Variants in CCDC171 observed in about 807,000 individuals in gnomAD.
CCDC171 encodes the protein coiled-coil domain-containing protein 171.
CCDC171 carries 177 observed loss-of-function variants against 168.2 expected under a neutral mutation model. The ratio of observed to expected loss-of-function variants is 1.05; its 90% CI spans 0.93 to 1.19. CCDC171 has a LOEUF of 1.19. Among genes scored for constraint, CCDC171 ranks in the 50% most tolerant of loss-of-function variants. The pLI, the probability that CCDC171 is intolerant of heterozygous loss-of-function variation, is 0.00. For missense variants in CCDC171, 1,991 were observed against 1,539.0 expected (o/e 1.29, Z -4.91); for synonymous variants, 687 against 540.8 (o/e 1.27, Z -3.75).
intron 21 of CCDC171, among the ~76,000 whole-genome samples, chr9:15,830,073 G>A (rs925878704): frequency 4.0e-4 from 61 of 152,322 alleles, no homozygotes; most frequent in African/African-American, 1.4e-3. Context: ...TCATGTCAGT[G>A]TTCCTCAAGC....
chr9:15,922,160 C>A, intron 25 of CCDC171: 1 of 411,572 alleles, frequency 2.4e-6, no homozygotes, highest in Non-Finnish European at 5.0e-6. Context: ...TGTAGTGATT[C>A]TTCATCTATA....
intron 6 of CCDC171, among the ~76,000 whole-genome samples, chr9:15,601,004 G>T (rs1267937878): frequency 6.6e-6 from 1 of 152,162 alleles, no homozygotes; most frequent in African/African-American, 2.4e-5. Flanking sequence ...ATTAGGGTGG[G>T]AGTGACCCGA....
At chr9:16,100,724 C>A in the CCDC171 span, among the ~76,000 whole-genome samples, 1 of 152,160 alleles carries the variant, frequency 6.6e-6, no homozygotes, top group African/African-American at 2.4e-5. Flanking sequence ...GCGAGGAGAG[C>A]CAAGCCTCGC....
At chr9:15,941,104 C>T (rs534998152) in intron 25 of CCDC171, among the ~76,000 whole-genome samples, 23 of 152,092 alleles carry the variant, frequency 1.5e-4, no homozygotes, top group African/African-American at 4.6e-4. Flanking sequence ...CTTGTGCCAC[C>T]TAAGTGTTAC....
At chr9:15,991,957 A>C (rs1056334960) in intron 3 of CCDC171, among the ~76,000 whole-genome samples, 1 of 152,234 alleles carries the variant, frequency 6.6e-6, no homozygotes, top group Non-Finnish European at 1.5e-5. Context: ...AACCAAAAAA[A>C]GTCCGGGATC....
chr9:15,709,402 A>G (rs2052487413), intron 11 of CCDC171, among the ~76,000 whole-genome samples: 1 of 152,164 alleles, frequency 6.6e-6, no homozygotes, highest in Non-Finnish European at 1.5e-5. Context: ...AAGAACACAG[A>G]TAAAATGCAG....
rs538626011 is a variant in CCDC171 at position 15,846,150 on chromosome 9, T to C, written c.3268-552T>C. 3.9e-5 allele frequency among the ~76,000 whole-genome samples: 6 copies of C among 152,262 alleles called. No homozygotes were observed. The East Asian group carries it at 1.2e-3, about 29-fold the overall frequency. ...TTTACTGGGAAGCAAGTAGATTTTA[T>C]TTTGGAGTCCAATTTGTTTGTTTGC... On this transcript the variant is annotated intron_variant, in intron 21 of 25. Coordinates refer to ENST00000380701, the MANE Select transcript of CCDC171 (RefSeq NM_173550.4).
At chr9:15,698,611 G>A (rs937110213) in intron 11 of CCDC171, among the ~76,000 whole-genome samples, 6 of 151,222 alleles carry the variant, frequency 4.0e-5, no homozygotes, top group Non-Finnish European at 8.8e-5. Context: ...TTTTATTTAC[G>A]TTGCTACAAA....
Position 16,014,066 on chromosome 9 carries a change from C to T in CCDC171, n.369-6523C>T, listed in dbSNP as rs545332939. Among the ~76,000 whole-genome samples, 5 of 151,452 alleles carry T rather than the reference C, an allele frequency of 3.3e-5. No individual in the cohort carries two copies. The South Asian group carries it at 6.2e-4, about 19-fold the overall frequency. On this transcript the variant is annotated intron_variant and non_coding_transcript_variant, in intron 3 of 9. Transcript: ENST00000486641. ...AAAGGTTTCTCTGCAGCATGTGATTCTGTGTGATAGCATTTTACACATAGT... is the reference window on the plus strand; with the variant it reads ...AAAGGTTTCTCTGCAGCATGTGATTTTGTGTGATAGCATTTTACACATAGT...
the CCDC171 span, among the ~76,000 whole-genome samples, chr9:16,082,361 A>C: frequency 1.3e-5 from 2 of 152,232 alleles, no homozygotes; most frequent in African/African-American, 4.8e-5. Context: ...TCATGGCTTC[A>C]TAGCAGGTCA....
chr9:15,895,658 T>C (rs1820804307), intron 24 of CCDC171, among the ~76,000 whole-genome samples: 1 of 152,104 alleles, frequency 6.6e-6, no homozygotes, highest in Non-Finnish European at 1.5e-5. Flanking sequence ...CATAATAATA[T>C]ATTTTTGTGT....
At chr9:15,963,545 G>A (rs1830539965) in intron 25 of CCDC171, among the ~76,000 whole-genome samples, 1 of 152,096 alleles carries the variant, frequency 6.6e-6, no homozygotes, top group Admixed American at 6.5e-5. Context: ...TAACTACATG[G>A]CATGAGTTTG....
intron 24 of CCDC171, among the ~76,000 whole-genome samples, chr9:15,912,783 C>T (rs1315658100): frequency 1.3e-5 from 2 of 152,146 alleles, no homozygotes; most frequent in African/African-American, 4.8e-5. Flanking sequence ...TTTTCTGCAT[C>T]TATTGAGATA....
At chr9:15,968,057 A>C (rs1830977524) in intron 25 of CCDC171, among the ~76,000 whole-genome samples, 1 of 152,236 alleles carries the variant, frequency 6.6e-6, no homozygotes, top group Admixed American at 6.5e-5. Context: ...GTATTTCATA[A>C]GATTTTTAAA....
intron 14 of CCDC171, among the ~76,000 whole-genome samples, chr9:15,726,725 A>G (rs1452107773): frequency 6.6e-6 from 1 of 152,116 alleles, no homozygotes; most frequent in African/African-American, 2.4e-5. Flanking sequence ...AAACTTTTAC[A>G]TATGCTATAT....
At chr9:16,045,679 A>C (rs959918603) in intron 1 of CCDC171, among the ~76,000 whole-genome samples, 5 of 152,220 alleles carry the variant, frequency 3.3e-5, no homozygotes, top group Non-Finnish European at 5.9e-5. Context: ...GAGCCAGAGC[A>C]GCACTTGGGG....
chr9:15,799,135 C>CATATATATCTATATAT (rs1554820191), intron 21 of CCDC171, among the ~76,000 whole-genome samples: 1 of 109,024 alleles, frequency 9.2e-6, no homozygotes, highest in Non-Finnish European at 1.8e-5. Flanking sequence ...TCATCATTGC[C>CATATATATCTATATAT]ATATATATAT....
intron 25 of CCDC171, among the ~76,000 whole-genome samples, chr9:15,923,961 G>C (rs1037700539): frequency 6.6e-5 from 10 of 151,118 alleles, no homozygotes; most frequent in Non-Finnish European, 1.0e-4. Context: ...CCCAACAACA[G>C]CTTATATATA....
At chr9:15,763,189 G>A (rs1164498466) in intron 18 of CCDC171, among the ~76,000 whole-genome samples, 1 of 152,218 alleles carries the variant, frequency 6.6e-6, no homozygotes, top group South Asian at 2.1e-4. Context: ...CTCCAAATGC[G>A]AAGCTTCTGT....
Sources: allele counts gnomAD v4.1 joint callset (sites outside exome capture counted in the v4.1 genomes callset), GRCh38; gene constraint gnomAD v4.1.1; transcripts MANE v1.5; gene names NCBI Gene and HGNC (gene_info 2026-07-23, HGNC 2026-07-21).